Variants in XPOT observed in about 807,000 individuals in gnomAD.
The protein encoded by XPOT is exportin-T.
Under a neutral mutation model 128.2 loss-of-function variants are expected in XPOT, and 34 were observed. That is an observed-to-expected ratio of 0.27 (90% CI 0.20 to 0.35). The LOEUF is 0.35. Ranked by LOEUF, XPOT falls within the 10% of genes least tolerant of loss-of-function variation. The pLI, the probability that XPOT is intolerant of heterozygous loss-of-function variation, is 1.00. For synonymous variants in XPOT, 348 were observed against 394.3 expected, an observed-to-expected ratio of 0.88 and a Z score of 1.39; for missense variants, 838 against 1,125.3, an observed-to-expected ratio of 0.74 and a Z score of 3.65.
At chr12:64,422,961 A>G (rs767953466) in intron 9 of XPOT, 44 bp from the exon 10 acceptor site, 7 of 1,589,544 alleles carry the variant, frequency 4.4e-6, no homozygotes, top group Middle Eastern at 2.2e-4. Flanking sequence ...ATATGCAGGT[A>G]TAACTTTAGA....
chr12:64,431,087 G>C (rs1393496473), intron 17 of XPOT, among the ~76,000 whole-genome samples: 2 of 152,210 alleles, frequency 1.3e-5, no homozygotes, highest in East Asian at 3.9e-4. Flanking sequence ...GGGATTGCAG[G>C]CATGTGCTAC....
intron 5 of XPOT, 26 bp downstream of exon 5, chr12:64,418,141 C>T (rs1338320132): frequency 6.3e-7 from 1 of 1,580,812 alleles, no homozygotes; most frequent in Admixed American, 1.7e-5. Context: ...CATTCAGTAC[C>T]TCAAATTATT....
At chr12:64,439,002 C>T (rs2040304323) in intron 22 of XPOT, among the ~76,000 whole-genome samples, 1 of 152,118 alleles carries the variant, frequency 6.6e-6, no homozygotes, top group Admixed American at 6.5e-5. Context: ...CAGCAAACCA[C>T]CAGGGCACAT....
chr12:64,422,388 C>G (rs1336231820), intron 9 of XPOT, among the ~76,000 whole-genome samples: 1 of 152,120 alleles, frequency 6.6e-6, no homozygotes, highest in African/African-American at 2.4e-5. Context: ...GGTATGATCA[C>G]TATTGGTAAT....
At chr12:64,434,695 A>G (rs929187186) in intron 20 of XPOT, 72 bp downstream of exon 20, 5 of 1,524,498 alleles carry the variant, frequency 3.3e-6, no homozygotes, top group African/African-American at 1.4e-5. Context: ...AATGGAACAT[A>G]GCCCTAACAG....
intron 3 of XPOT, among the ~76,000 whole-genome samples, 182 bp from the exon 4 acceptor site, chr12:64,416,516 A>G (rs1446553078): frequency 6.6e-6 from 1 of 152,206 alleles, no homozygotes; most frequent in Non-Finnish European, 1.5e-5. Context: ...TAATATTTAG[A>G]GTTCTCATAG....
At chr12:64,421,698 G>A (rs1368330645) in intron 9 of XPOT, among the ~76,000 whole-genome samples, 3 of 151,080 alleles carry the variant, frequency 2.0e-5, no homozygotes, top group African/African-American at 7.3e-5. Flanking sequence ...GTAGTTATAG[G>A]TTTAGGTTTT....
chr12:64,427,095 G>T (rs1243228214), intron 15 of XPOT, among the ~76,000 whole-genome samples: 1 of 150,244 alleles, frequency 6.7e-6, no homozygotes. Context: ...GCTTTGTCAG[G>T]TCAGGTAGAT....
At chr12:64,433,726 C>A in intron 19 of XPOT, 123 bp downstream of exon 19, 1 of 892,388 alleles carries the variant, frequency 1.1e-6, no homozygotes, top group Non-Finnish European at 1.6e-6. Context: ...CATGGGAAGA[C>A]AGTTTATTGT....
At chr12:64,423,100 C>G (rs1289161085) in intron 10 of XPOT, 57 bp downstream of exon 10, 4 of 1,598,720 alleles carry the variant, frequency 2.5e-6, no homozygotes, top group Admixed American at 3.5e-5. Flanking sequence ...TGTAATTTGC[C>G]TTGAAATGTA....
chr12:64,425,150 A>C lies in XPOT; in HGVS notation c.1420A>C (p.Lys474Gln), dbSNP rs2040179299. The C allele has an allele frequency of 6.2e-7, 1 of 1,614,002 alleles. No homozygotes were observed. Among genetic ancestry groups the C allele is most frequent in the South Asian group, 1.1e-5 (1 of 91,086 alleles). The change falls in exon 13 of 25, where the codon AAA becomes CAA. Residue 474 changes from lysine to glutamine, a missense_variant. Lys to Gln is a moderately conservative substitution (Grantham distance 53). Coordinates refer to ENST00000332707, the MANE Select transcript of XPOT (RefSeq NM_007235.6). ...HGAHFSGDVS[K>Q]ASALQDMMRT... ...TGCTCACTTCTCAGGTGATGTTTCA[A>C]AAGCTAGTGCTTTGCAGGATATGAT...
chr12:64,407,503 T>G (rs1212040797), intron 1 of XPOT, among the ~76,000 whole-genome samples: 7 of 150,412 alleles, frequency 4.7e-5, no homozygotes, highest in Non-Finnish European at 7.4e-5. Flanking sequence ...AAAAAAAGAT[T>G]AATGAGAGAA....
At chr12:64,442,949 G>C (rs1373543306) in intron 23 of XPOT, 1 of 151,980 alleles carries the variant, frequency 6.6e-6, no homozygotes, top group Non-Finnish European at 1.5e-5. Context: ...GGGTTCAAGC[G>C]ATTCTCCTGC....
At position 64,425,021 on chromosome 12, in the gene XPOT, A is replaced by G. The variant is rs375621831; in HGVS notation, c.1308-17A>G. The G allele has an allele frequency of 2.2e-5, 35 of 1,611,902 alleles. No homozygotes were observed. In the African/African-American group the frequency reaches 4.0e-4, roughly 18 times the overall value. On this transcript the variant is annotated splice_polypyrimidine_tract_variant and intron_variant, in intron 12 of 24. Coordinates refer to ENST00000332707, the MANE Select transcript of XPOT (RefSeq NM_007235.6). The stretch of plus-strand genomic sequence containing the variant: ...AAATTTATCTTTAAATCTCACTGAC[A>G]TATTATACCTTGGTAGGAATTGGCA...
intron 15 of XPOT, among the ~76,000 whole-genome samples, chr12:64,426,308 A>AG (rs1023009757): frequency 5.9e-5 from 9 of 151,648 alleles, no homozygotes; most frequent in Non-Finnish European, 8.8e-5. Context: ...CAAAAAAAAA[A>AG]AAAAAGAAAA....
At chr12:64,427,681 A>G (rs2040204489) in intron 15 of XPOT, among the ~76,000 whole-genome samples, 1 of 151,772 alleles carries the variant, frequency 6.6e-6, no homozygotes, top group Non-Finnish European at 1.5e-5. Flanking sequence ...TTTTTGTAGA[A>G]TCAGTCTCAC....
rs1366120313 is a variant in XPOT, at chr12:64,434,501, C to G, written c.2453-6C>G. 1 of 1,603,998 alleles carries G rather than the reference C, an allele frequency of 6.2e-7. No homozygotes were observed. The highest frequency in any genetic ancestry group is 8.5e-7 in the Non-Finnish European group (1 of 1,172,796). On this transcript the variant is annotated splice_region_variant and splice_polypyrimidine_tract_variant and intron_variant, in intron 19 of 24. Coordinates refer to ENST00000332707, the MANE Select transcript of XPOT (RefSeq NM_007235.6). ...AATTGCTTAAACTAAAGGTTTTTCTCCTCAGGTGCAGAGAATGTAGAAAGA... is the reference window on the plus strand; with the variant it reads ...AATTGCTTAAACTAAAGGTTTTTCTGCTCAGGTGCAGAGAATGTAGAAAGA...
At chr12:64,424,038 C>A (rs2040167846) in intron 11 of XPOT, among the ~76,000 whole-genome samples, 1 of 152,076 alleles carries the variant, frequency 6.6e-6, no homozygotes, top group South Asian at 2.1e-4. Flanking sequence ...TTGTATTCCC[C>A]CACCTCAGAC....
At position 64,420,616 on chromosome 12, in the gene XPOT, A is replaced by G. The variant is rs1362051503; in HGVS notation, c.843+95A>G. ...TATAATAATAGCTTTTTTTCTTCTAAATGTTATAAACTCCCCTTGAGATTA... is the reference window on the plus strand; with the variant it reads ...TATAATAATAGCTTTTTTTCTTCTAGATGTTATAAACTCCCCTTGAGATTA... On this transcript the variant is annotated intron_variant, in intron 8 of 24. Transcript: ENST00000332707. The G allele has an allele frequency of 8.2e-6, 8 of 977,686 alleles. No individual in the cohort carries two copies. In the African/African-American group the frequency reaches 1.3e-4, roughly 16 times the overall value. The allele number at this position is 977,686 out of a possible 1,614,324, so 60.6% of individuals were successfully genotyped here. A position where few individuals can be genotyped will look rare whatever the true frequency, so the allele number is the denominator to read the frequency against.
Sources: gnomAD v4.1 joint callset for allele counts (sites outside exome capture counted in the v4.1 genomes callset) on GRCh38, gnomAD v4.1.1 for gene constraint, MANE v1.5 for transcripts, NCBI Gene and HGNC (gene_info 2026-07-23, HGNC 2026-07-21) for gene names.